The following NLRP7 variants were observed in gnomAD, a reference collection of about 807,000 sequenced individuals.
The protein encoded by NLRP7 is NLR family pyrin domain containing 7, also known as NACHT, LRR and PYD domains-containing protein 7.
In NLRP7, 72 loss-of-function variants were observed where a neutral mutation model predicts 85.5. The observed-to-expected ratio is 0.84, with a 90% CI of 0.70 to 1.02. NLRP7 has a LOEUF of 1.02. Among genes scored for constraint, NLRP7 ranks in the 50% least tolerant of loss-of-function variants. The pLI, the probability that NLRP7 is intolerant of heterozygous loss-of-function variation, is 0.00. For synonymous variants in NLRP7, 550 were observed against 505.2 expected (o/e 1.09, Z -1.19); for missense variants, 1,243 against 1,219.5 (o/e 1.02, Z -0.29).
intron 1 of NLRP7, among the ~76,000 whole-genome samples, chr19:54,946,231 T>G (rs986827325): frequency 6.8e-6 from 1 of 147,718 alleles, no homozygotes; most frequent in Non-Finnish European, 1.5e-5. Flanking sequence ...TTTTTTTTGA[T>G]GCAGCATTTC....
chr19:54,940,718 C>G (rs1406460649), intron 3 of NLRP7, among the ~76,000 whole-genome samples: 1 of 151,830 alleles, frequency 6.6e-6, no homozygotes, highest in African/African-American at 2.4e-5. Context: ...ATCCCGGCTA[C>G]TCAGGAGGCT....
At chr19:54,937,300 T>C (rs1013014700) in intron 5 of NLRP7, among the ~76,000 whole-genome samples, 2 of 150,952 alleles carry the variant, frequency 1.3e-5, no homozygotes, top group African/African-American at 2.4e-5. Context: ...GACAAAATAA[T>C]CTGTACAACA....
chr19:54,941,500 G>A, exon 2 of NLRP7: 2 of 1,613,456 alleles, frequency 1.2e-6, no homozygotes, highest in South Asian at 1.1e-5. Flanking sequence ...GATGTTCACA[G>A]TCGCATTCCT....
chr19:54,927,770 C>T, intron 9 of NLRP7: 1 of 1,613,856 alleles, frequency 6.2e-7, no homozygotes, highest in Non-Finnish European at 8.5e-7. Context: ...GGAGCAGCTC[C>T]AGAGGCTGTT....
chr19:54,945,102 G>A (rs572912301), intron 1 of NLRP7, among the ~76,000 whole-genome samples: 5 of 151,642 alleles, frequency 3.3e-5, no homozygotes, highest in Admixed American at 2.6e-4. Context: ...AATTAGCCGG[G>A]CATGGTGGCG....
chr19:54,943,005 A>G, intron 1 of NLRP7, among the ~76,000 whole-genome samples: 1 of 151,544 alleles, frequency 6.6e-6, no homozygotes, highest in Admixed American at 6.6e-5. Flanking sequence ...AAGCTAGCCA[A>G]GTGTAGTGGT....
intron 8 of NLRP7, among the ~76,000 whole-genome samples, chr19:54,931,902 C>T (rs994261374): frequency 2.0e-5 from 3 of 151,772 alleles, no homozygotes; most frequent in African/African-American, 7.3e-5. Flanking sequence ...CCAGCTCTGC[C>T]TGGGACAACA....
At chr19:54,964,386 T>G (rs890840410) in intron 1 of NLRP7, among the ~76,000 whole-genome samples, 11 of 150,656 alleles carry the variant, frequency 7.3e-5, no homozygotes, top group Admixed American at 5.9e-4. Flanking sequence ...CCGGCTAATT[T>G]TTTGTATTTT....
chr19:54,929,918 T>G (rs1188519598), intron 9 of NLRP7, among the ~76,000 whole-genome samples: 12 of 140,314 alleles, frequency 8.6e-5, no homozygotes, highest in Non-Finnish European at 1.9e-4. Flanking sequence ...ATCGAGACCA[T>G]CCTGGCTAAC....
intron 9 of NLRP7, among the ~76,000 whole-genome samples, chr19:54,925,085 T>C (rs935352321): frequency 2.0e-5 from 3 of 152,118 alleles, no homozygotes; most frequent in Non-Finnish European, 2.9e-5. Context: ...GGGGTGGTGA[T>C]TGTGGAGACA....
chr19:54,941,379 C>G (rs2069212234), intron 2 of NLRP7, 56 bp downstream of exon 2: 23 of 759,564 alleles, frequency 3.0e-5, no homozygotes, highest in Non-Finnish European at 4.2e-5. Context: ...GAGACTCCAT[C>G]TCAAAAAAAA....
At chr19:54,936,065 G>T (rs2068909425) in intron 6 of NLRP7, among the ~76,000 whole-genome samples, 196 bp downstream of exon 6, 1 of 152,172 alleles carries the variant, frequency 6.6e-6, no homozygotes, top group Non-Finnish European at 1.5e-5. Flanking sequence ...TCTTTGCATG[G>T]ATAGCTGGTT....
rs781097722 is a variant in NLRP7 at position 54,940,375 on chromosome 19, G to A, written c.444C>T (p.Asp148=). 2.9e-5 allele frequency: 46 copies of A among 1,614,012 alleles called. No homozygotes were observed. The Admixed American group carries it at 5.8e-4, about 20-fold the overall frequency. Reference sequence around the variant, plus strand: ...ACCGTTGGTTTCTCAGAGTGACGTCGTCATGGAAATTGTCAATGTCTCCTT... The same window carrying A: ...ACCGTTGGTTTCTCAGAGTGACGTCATCATGGAAATTGTCAATGTCTCCTT... The change falls in exon 4 of 10, where the codon GAC becomes GAT. Residue 148 remains aspartate, a synonymous_variant. Coordinates refer to ENST00000340844, the Ensembl canonical transcript of NLRP7.
At chr19:54,932,184 T>C (rs1295261613) in intron 8 of NLRP7, among the ~76,000 whole-genome samples, 1 of 151,988 alleles carries the variant, frequency 6.6e-6, no homozygotes, top group Non-Finnish European at 1.5e-5. Context: ...CGCCAGCACT[T>C]TGGGAGGCCG....
intron 3 of NLRP7, among the ~76,000 whole-genome samples, 180 bp downstream of exon 3, chr19:54,940,751 C>T (rs756426734): frequency 2.6e-5 from 4 of 151,366 alleles, no homozygotes; most frequent in Admixed American, 6.6e-5. Context: ...TGCTTGAACC[C>T]GGGAGGCAGA....
intron 9 of NLRP7, among the ~76,000 whole-genome samples, chr19:54,929,253 C>G (rs1174315439): frequency 6.6e-6 from 1 of 151,982 alleles, no homozygotes; most frequent in African/African-American, 2.4e-5. Context: ...CCTGTAATCC[C>G]AACTACTCAG....
exon 10 of NLRP7, chr19:54,923,835 G>C (rs1236085322): frequency 6.2e-7 from 1 of 1,613,868 alleles, no homozygotes; most frequent in South Asian, 1.1e-5. Flanking sequence ...TCCTCCAACA[G>C]CTTCTTGATT....
exon 4 of NLRP7, chr19:54,939,934 T>G (rs1378428487): frequency 6.2e-7 from 1 of 1,614,118 alleles, no homozygotes; most frequent in South Asian, 1.1e-5. Context: ...CCAGCAAGGC[T>G]GCCCTGGGTA....
chr19:54,957,661 T>C (rs998449810), intron 1 of NLRP7, among the ~76,000 whole-genome samples: 1 of 152,140 alleles, frequency 6.6e-6, no homozygotes, highest in African/African-American at 2.4e-5. Context: ...TACTCCTTTC[T>C]GTAGCTCAGG....
Sources: allele counts gnomAD v4.1 joint callset (sites outside exome capture counted in the v4.1 genomes callset), GRCh38; gene constraint gnomAD v4.1.1; transcripts MANE v1.5; gene names NCBI Gene and HGNC (gene_info 2026-07-23, HGNC 2026-07-21).